Variants in FBLN1 observed in about 807,000 individuals in gnomAD.
FBLN1 encodes fibulin-1.
In FBLN1, 34 loss-of-function variants were observed where a neutral mutation model predicts 89.7. The observed-to-expected ratio is 0.38, with a 90% CI of 0.29 to 0.50. The LOEUF (loss-of-function observed/expected upper bound fraction) is 0.50. Ranked by LOEUF, FBLN1 falls within the 20% of genes least tolerant of loss-of-function variation. FBLN1 has a pLI of 0.92. For synonymous variants in FBLN1, 393 were observed against 391.3 expected (o/e 1.00, Z -0.05); for missense variants, 777 against 988.1 (o/e 0.79, Z 2.86).
At chr22:45,595,902 C>T (rs2089180613) in intron 16 of FBLN1, among the ~76,000 whole-genome samples, 3 of 152,394 alleles carry the variant, frequency 2.0e-5, no homozygotes, top group Middle Eastern at 3.4e-3. Flanking sequence ...CAGAGTCTTG[C>T]TCTGTCGCCC....
intron 16 of FBLN1, among the ~76,000 whole-genome samples, chr22:45,598,039 G>A (rs2146672303): frequency 6.6e-6 from 1 of 152,316 alleles, no homozygotes; most frequent in Non-Finnish European, 1.5e-5. Context: ...GGTGGAGATA[G>A]GCTGTCACCG....
rs190886999 is a variant in FBLN1 at position 45,506,335 on chromosome 22, G to A, written c.79+3271G>A. On this transcript the variant is annotated intron_variant, in intron 1 of 16. Transcript: ENST00000327858. ...CCATGGGGCTATAGGACTGGTAGTCGTCAGTGCCAAACCCGTGTCAGGAAA... is the reference window on the plus strand; with the variant it reads ...CCATGGGGCTATAGGACTGGTAGTCATCAGTGCCAAACCCGTGTCAGGAAA... 1.8e-3 allele frequency among the ~76,000 whole-genome samples: 275 copies of A among 152,354 alleles called. 2 individuals carry two copies. Among genetic ancestry groups the A allele is most frequent in the African/African-American group, 6.2e-3 (258 of 41,586 alleles).
At chr22:45,507,820 G>C (rs542845980) in intron 1 of FBLN1, among the ~76,000 whole-genome samples, 1 of 152,280 alleles carries the variant, frequency 6.6e-6, no homozygotes, top group African/African-American at 2.4e-5. Flanking sequence ...GAGCCACTGC[G>C]CCTGGCCCTG....
intron 7 of FBLN1, 147 bp downstream of exon 7, chr22:45,534,045 G>C (rs2088448373): frequency 2.7e-6 from 3 of 1,100,392 alleles, no homozygotes; most frequent in Admixed American, 3.6e-5. Context: ...CAGGAGGGAG[G>C]TGGTTATACC....
rs1045915759 is a variant in FBLN1 at position 45,583,407 on chromosome 22, C to T, written c.1972+6299C>T. On this transcript the variant is annotated intron_variant, in intron 16 of 16. Coordinates refer to ENST00000327858, the MANE Select transcript of FBLN1 (RefSeq NM_006486.3). This position sits in a 1 kb window ranked among gnomAD's most constrained non-coding sequence, Gnocchi z 4.5. ...AGCTGCTCACCTTAGACATGGTCAC[C>T]TATATTACATTTAGGAAGGAAACGC... Among the ~76,000 whole-genome samples, 3 of 152,186 alleles carry T rather than the reference C, an allele frequency of 2.0e-5. No individual in the cohort carries two copies. Among genetic ancestry groups the T allele is most frequent in the African/African-American group, 7.2e-5 (3 of 41,446 alleles).
chr22:45,533,089 C>G lies in FBLN1; in HGVS notation c.571C>G (p.Arg191Gly). 1.2e-6 allele frequency: 2 copies of G among 1,614,176 alleles called. No homozygotes were observed. The highest frequency in any genetic ancestry group is 1.7e-6 in the Non-Finnish European group (2 of 1,180,018). Reference protein sequence around the residue: ...RGGGPCKQQCRDTGDEVVCSC... With the variant: ...RGGGPCKQQCGDTGDEVVCSC... ...AGGCGGGCCCTGCAAGCAGCAGTGC[C>G]GAGACACGGGTGACGAGGTGGTCTG... is the stretch of plus-strand genomic sequence containing the variant. Residue 191 changes from arginine (R) to glycine (G), a missense_variant, in exon 6 of 17, where the codon CGA becomes GGA. Physicochemically the swap from Arg to Gly is moderately radical, Grantham distance 125. Coordinates refer to ENST00000327858, the MANE Select transcript of FBLN1 (RefSeq NM_006486.3).
Position 45,575,001 on chromosome 22 carries a change from C to G in FBLN1, c.1840+348C>G, listed in dbSNP as rs1317126599. Reference sequence around the variant, plus strand: ...GTTTCACCGTGTTCGCCAGGATGGTCTCAATCTCCTGACCTCATGATCCAC... The same window carrying G: ...GTTTCACCGTGTTCGCCAGGATGGTGTCAATCTCCTGACCTCATGATCCAC... On this transcript the variant is annotated intron_variant, in intron 15 of 16. Coordinates refer to ENST00000327858, the MANE Select transcript of FBLN1 (RefSeq NM_006486.3). The surrounding 1 kb of genome is among the most constrained non-coding windows in gnomAD (Gnocchi z 6.3). Among the ~76,000 whole-genome samples, 1 of 152,052 alleles carries G rather than the reference C, an allele frequency of 6.6e-6. No individual in the cohort carries two copies. Among genetic ancestry groups the G allele is most frequent in the African/African-American group, 2.4e-5 (1 of 41,398 alleles).
intron 4 of FBLN1, among the ~76,000 whole-genome samples, chr22:45,529,614 C>G (rs1291833003): frequency 6.6e-6 from 1 of 152,188 alleles, no homozygotes; most frequent in Non-Finnish European, 1.5e-5. Flanking sequence ...GCCTGTAATC[C>G]CAGCACTTTG....
At chr22:45,509,376 T>G (rs1417161680) in intron 1 of FBLN1, among the ~76,000 whole-genome samples, 5 of 152,176 alleles carry the variant, frequency 3.3e-5, no homozygotes, top group Non-Finnish European at 2.9e-5. Flanking sequence ...TCCTCCCGGC[T>G]GGTTCACCAT....
rs776630676 is a variant in FBLN1 at position 45,518,770 on chromosome 22, G to A, written c.168G>A (p.Thr56=). ...HQKDCSLPYA[T]ESKECRMVQE... Reference sequence around the variant, plus strand: ...AGGACTGCTCGCTGCCATATGCTACGGAATCCAAAGAATGCAGGTACGTTT... The same window carrying A: ...AGGACTGCTCGCTGCCATATGCTACAGAATCCAAAGAATGCAGGTACGTTT... The change falls in exon 2 of 17, where the codon ACG becomes ACA. Residue 56 remains threonine, a synonymous_variant. Transcript: ENST00000327858. 8.1e-6 allele frequency: 13 copies of A among 1,610,898 alleles called. No individual in the cohort carries two copies. Among genetic ancestry groups the A allele is most frequent in the Admixed American group, 5.0e-5 (3 of 59,726 alleles).
At chr22:45,518,865 G>A in intron 2 of FBLN1, 78 bp downstream of exon 2, 1 of 1,294,974 alleles carries the variant, frequency 7.7e-7, no homozygotes, top group Non-Finnish European at 1.1e-6. Flanking sequence ...GACAGTGTGT[G>A]CCAGACCTCT....
chr22:45,540,808 G>A (rs2088545716), intron 8 of FBLN1, among the ~76,000 whole-genome samples: 1 of 152,338 alleles, frequency 6.6e-6, no homozygotes, highest in South Asian at 2.1e-4. Context: ...GGTGGGCCTG[G>A]CTCAGCATAG....
In FBLN1 at chr22:45,556,090, A is replaced by G. The variant is rs976374118; in HGVS notation, c.1697+5475A>G. Among the ~76,000 whole-genome samples the G allele has an allele frequency of 6.6e-6, 1 of 152,130 alleles. No individual in the cohort carries two copies. Among genetic ancestry groups the G allele is most frequent in the Non-Finnish European group, 1.5e-5 (1 of 68,030 alleles). On this transcript the variant is annotated intron_variant, in intron 14 of 16. Coordinates refer to ENST00000327858, the MANE Select transcript of FBLN1 (RefSeq NM_006486.3). This position sits in a 1 kb window ranked among gnomAD's most constrained non-coding sequence, Gnocchi z 4.6. ...GTCTCACCGCAACCTCCACGTCCCG[A>G]GTTCAAGTGATTATCCTGCCTCAGC... is the stretch of plus-strand genomic sequence containing the variant.
At chr22:45,584,721 C>G (rs1181123496) in intron 16 of FBLN1, among the ~76,000 whole-genome samples, 2 of 152,170 alleles carry the variant, frequency 1.3e-5, no homozygotes, top group Non-Finnish European at 2.9e-5. Context: ...CTGGTGGGAG[C>G]CCGGAGCCTT....
chr22:45,600,380 C>G lies in FBLN1; in HGVS notation c.2046C>G (p.Val682=). 1 of 1,614,102 alleles carries G rather than the reference C, an allele frequency of 6.2e-7. No individual in the cohort carries two copies. Among genetic ancestry groups the G allele is most frequent in the Non-Finnish European group, 8.5e-7 (1 of 1,180,022 alleles). The change falls in exon 17 of 17, where the codon GTC becomes GTG. Residue 682 remains valine, a synonymous_variant. Transcript: ENST00000327858. ...TGAAGCTGGAGATGAACTATGTGGT[C>G]GGGGGCGTGGTCTCCCACCGAAATG... is the stretch of plus-strand genomic sequence containing the variant. ...AVLKLEMNYV[V]GGVVSHRNVV... is the part of the protein sequence containing the mutation.
intron 2 of FBLN1, among the ~76,000 whole-genome samples, chr22:45,525,116 AGAG>A (rs1569239271): frequency 1.5e-5 from 2 of 132,242 alleles, no homozygotes; most frequent in African/African-American, 2.8e-5. Context: ...AGAGAGAGAG[AGAG>A]AGAAAGAAAA....
At chr22:45,529,664 G>T (rs776998451) in intron 4 of FBLN1, among the ~76,000 whole-genome samples, 2 of 152,154 alleles carry the variant, frequency 1.3e-5, no homozygotes, top group African/African-American at 4.8e-5. Flanking sequence ...TCAGGAGTTC[G>T]AGACTAGCCT....
intron 1 of FBLN1, among the ~76,000 whole-genome samples, chr22:45,507,436 A>G (rs1259633254): frequency 6.6e-6 from 1 of 152,206 alleles, no homozygotes; most frequent in East Asian, 1.9e-4. Flanking sequence ...GGTAATTATT[A>G]TAGGTGAAAT....
intron 1 of FBLN1, among the ~76,000 whole-genome samples, chr22:45,508,638 G>A (rs2088057841): frequency 6.6e-6 from 1 of 152,138 alleles, no homozygotes. Context: ...GGAGTGTGAT[G>A]GTGGGGTGTG....
Sources: allele counts gnomAD v4.1 joint callset (sites outside exome capture counted in the v4.1 genomes callset), GRCh38; gene constraint gnomAD v4.1.1; non-coding constraint Gnocchi (gnomAD v3.1); transcripts MANE v1.5; gene names NCBI Gene and HGNC (gene_info 2026-07-23, HGNC 2026-07-21).